Variants in ANKEF1 observed in about 807,000 individuals in gnomAD.
ANKEF1 encodes ankyrin repeat and EF-hand domain-containing protein 1.
ANKEF1 carries 43 observed loss-of-function variants against 65.1 expected under a neutral mutation model. The ratio of observed to expected loss-of-function variants is 0.66; its 90% CI spans 0.52 to 0.85. The LOEUF is 0.85. Ranked by LOEUF, ANKEF1 falls within the 40% of genes least tolerant of loss-of-function variation. The pLI is 0.00. For synonymous variants in ANKEF1, 316 were observed against 341.5 expected, an observed-to-expected ratio of 0.93 and a Z score of 0.82; for missense variants, 934 against 952.9, an observed-to-expected ratio of 0.98 and a Z score of 0.26.
rs1300067653 is a variant in ANKEF1, at chr20:10,052,322, C to CAT, written c.1870+434_1870+435insTA. 5.9e-5 allele frequency among the ~76,000 whole-genome samples: 5 copies of CAT among 84,854 alleles called. No individual in the cohort carries two copies. In the East Asian group the frequency reaches 8.7e-4, roughly 15 times the overall value. 55.7% of individuals were successfully genotyped at this position (84,854 alleles called of 152,430 possible). A position where few individuals can be genotyped will look rare whatever the true frequency, so the allele number is the denominator to read the frequency against. ...TGGACTTGCACCAGTTTGCAGATGA[C>CAT]ACTGAGTTATTACACTGTTATGACT... On this transcript the variant is annotated intron_variant, in intron 8 of 10. Transcript: ENST00000378392.
chr20:10,042,973 C>T, intron 3 of ANKEF1, 149 bp from the exon 4 acceptor site: 3 of 715,850 alleles, frequency 4.2e-6, no homozygotes, highest in Non-Finnish European at 6.8e-6. Context: ...TTTTTGTTTT[C>T]TGTCTTGGTG....
At position 10,043,243 on chromosome 20, in the gene ANKEF1, T is replaced by G. The variant is rs1355318884; in HGVS notation, c.468T>G (p.Ala156=). 2 of 1,614,086 alleles carry G rather than the reference T, an allele frequency of 1.2e-6. No individual in the cohort carries two copies. The highest frequency in any genetic ancestry group is 1.7e-6 in the Non-Finnish European group (2 of 1,180,032). The change falls in exon 4 of 11, where the codon GCT becomes GCG. Residue 156 remains alanine, a synonymous_variant. Transcript: ENST00000378392. ...AAGGAAAGCCAATATTCCTTAGAGC[T>G]TGTGAAGATGCACATGATGTTAAAG... ...TYEGKPIFLR[A]CEDAHDVKDV...
intron 2 of ANKEF1, among the ~76,000 whole-genome samples, chr20:10,036,134 TC>T (rs1474056662): frequency 6.6e-6 from 1 of 152,186 alleles, no homozygotes; most frequent in African/African-American, 2.4e-5. Flanking sequence ...GGTGCTGCCC[TC>T]TCCCCAGCAC....
In ANKEF1 at chr20:10,056,282, CG is replaced by C. The variant is rs1985143766; in HGVS notation, c.*623del. 2 of 150,848 alleles carry C rather than the reference CG, an allele frequency of 1.3e-5. No homozygotes were observed. The highest frequency in any genetic ancestry group is 3.0e-5 in the Non-Finnish European group (2 of 67,744). 9.3% of individuals were successfully genotyped at this position (150,848 alleles called of 1,614,324 possible). ...GAATACACTTTTAACAGCCCTAGAT[CG>C]ATAGCCCTAGCCCTAGATAGATAGC... On this transcript the variant is annotated 3_prime_UTR_variant, in exon 11 of 11. Coordinates refer to ENST00000378392, the MANE Select transcript of ANKEF1 (RefSeq NM_022096.6).
Position 10,051,872 on chromosome 20 carries a change from A to T in ANKEF1, c.1853A>T (p.Gln618Leu). The T allele has an allele frequency of 1.2e-6, 2 of 1,610,770 alleles. No individual in the cohort carries two copies. The highest frequency in any genetic ancestry group is 1.7e-6 in the Non-Finnish European group (2 of 1,178,784). The change falls in exon 8 of 11, where the codon CAG becomes CTG. Residue 618 changes from glutamine (Q) to leucine (L), a missense_variant. Transcript: ENST00000378392. ...KYLLDIGAKFQLENRKGHSAM... is the reference protein window; with the variant it reads ...KYLLDIGAKFLLENRKGHSAM... ...CTACTTGATATTGGTGCTAAATTCC[A>T]GCTGGAAAATAGAAAAGGTATGCGT...
chr20:10,054,617 A>G lies in ANKEF1; in HGVS notation c.2172+18A>G. On this transcript the variant is annotated intron_variant, in intron 10 of 10. Transcript: ENST00000378392. ...CACGGAGGGTAAGTGCTTCGAAAAG[A>G]TCTTCATAGCATGGTAGAAGCTCAT... is the stretch of plus-strand genomic sequence containing the variant. 6.2e-7 allele frequency: 1 copy of G among 1,602,450 alleles called. No homozygotes were observed. The highest frequency in any genetic ancestry group is 8.5e-7 in the Non-Finnish European group (1 of 1,175,944).
intron 9 of ANKEF1, among the ~76,000 whole-genome samples, 198 bp from the exon 10 acceptor site, chr20:10,054,264 A>G (rs775738256): frequency 1.3e-5 from 2 of 152,194 alleles, no homozygotes; most frequent in African/African-American, 4.8e-5. Context: ...CAATACTTCT[A>G]ATTAAAGTTA....
chr20:10,038,316 T>C lies in ANKEF1; in HGVS notation c.15T>C (p.Asp5=). 1 of 1,564,550 alleles carries C rather than the reference T, an allele frequency of 6.4e-7. No homozygotes were observed. The highest frequency in any genetic ancestry group is 8.7e-7 in the Non-Finnish European group (1 of 1,148,478). The change falls in exon 3 of 11, where the codon GAT becomes GAC. Residue 5 remains aspartate, a synonymous_variant. Transcript: ENST00000378392. MALA[D]KRLENLQIYK... The stretch of plus-strand genomic sequence containing the variant: ...GCTGGTCAAGCATGGCTTTAGCAGA[T>C]AAGAGACTTGAGAACTTACAGATCT...
intron 3 of ANKEF1, among the ~76,000 whole-genome samples, chr20:10,039,761 T>C (rs983290416): frequency 3.9e-5 from 6 of 152,158 alleles, no homozygotes; most frequent in African/African-American, 9.7e-5. Context: ...ACGGTCGCAT[T>C]CATTAGAGAC....
At chr20:10,052,582 T>C (rs1377610287) in intron 8 of ANKEF1, among the ~76,000 whole-genome samples, 2 of 152,202 alleles carry the variant, frequency 1.3e-5, no homozygotes, top group African/African-American at 4.8e-5. Flanking sequence ...AGGAGCATCA[T>C]ACCTCTGGTT....
rs6118866 is a variant in ANKEF1, at chr20:10,043,305, C to G, written c.530C>G (p.Pro177Arg). The change falls in exon 4 of 11, where the codon CCT (proline) becomes CGT (arginine). Residue 177 changes from proline to arginine, a missense_variant. By Grantham distance (103) the Pro-to-Arg change is moderately radical (BLOSUM62 -2). Coordinates refer to ENST00000378392, the MANE Select transcript of ANKEF1 (RefSeq NM_022096.6). ...CLTFLEKGAN[P>R]NAINSSTGRT... ...ACATTTTTGGAAAAAGGAGCCAATCCTAATGCAATCAACTCAGTATGGCTA... is the reference window on the plus strand; with the variant it reads ...ACATTTTTGGAAAAAGGAGCCAATCGTAATGCAATCAACTCAGTATGGCTA... 6.2e-7 allele frequency: 1 copy of G among 1,613,886 alleles called. No individual in the cohort carries two copies. The highest frequency in any genetic ancestry group is 8.5e-7 in the Non-Finnish European group (1 of 1,179,950).
At chr20:10,055,463 A>G in intron 10 of ANKEF1, 39 bp from the exon 11 acceptor site, 1 of 1,600,830 alleles carries the variant, frequency 6.2e-7, no homozygotes, top group East Asian at 2.2e-5. Flanking sequence ...TGGCTGTCAT[A>G]CTCATACCTG....
intron 8 of ANKEF1, among the ~76,000 whole-genome samples, chr20:10,052,683 G>C (rs939391376): frequency 2.0e-5 from 3 of 152,050 alleles, no homozygotes; most frequent in African/African-American, 7.2e-5. Context: ...TCTGCCTGGA[G>C]CACCTGTGGC....
intron 6 of ANKEF1, among the ~76,000 whole-genome samples, chr20:10,047,823 G>A (rs147863262): frequency 9.2e-4 from 140 of 152,268 alleles, no homozygotes; most frequent in Admixed American, 2.6e-3. Context: ...AAGTCAAAAC[G>A]ACAGGAAAAC....
In ANKEF1 at chr20:10,050,213, G is replaced by A; in HGVS notation, c.1643+1G>A. The A allele has an allele frequency of 6.3e-7, 1 of 1,598,130 alleles. No homozygotes were observed. The highest frequency in any genetic ancestry group is 1.1e-5 in the South Asian group (1 of 88,772). ...TGGTCAAGTTTCTTCTTGAAAAAGGGTACGCGTCTCCGTCGGGTGTGGCCT... is the reference window on the plus strand; with the variant it reads ...TGGTCAAGTTTCTTCTTGAAAAAGGATACGCGTCTCCGTCGGGTGTGGCCT... On this transcript the variant is annotated splice_donor_variant, in intron 7 of 10. Transcript: ENST00000378392. LOFTEE classifies it high-confidence loss of function.
intron 4 of ANKEF1, among the ~76,000 whole-genome samples, chr20:10,043,703 G>C (rs1215566740): frequency 1.5e-5 from 2 of 134,968 alleles, no homozygotes; most frequent in African/African-American, 5.4e-5. Context: ...CTGTTGCCCA[G>C]GTTGGAGTGC....
intron 2 of ANKEF1, among the ~76,000 whole-genome samples, chr20:10,036,298 C>G (rs1983852425): frequency 1.3e-5 from 2 of 151,784 alleles, no homozygotes; most frequent in Admixed American, 1.3e-4. Context: ...CTTATTTTCA[C>G]AAATCAAGTG....
chr20:10,052,210 A>G (rs1984902486), intron 8 of ANKEF1, among the ~76,000 whole-genome samples: 1 of 152,186 alleles, frequency 6.6e-6, no homozygotes, highest in Non-Finnish European at 1.5e-5. Flanking sequence ...AATTTTAATG[A>G]CAGAAAATTA....
intron 3 of ANKEF1, among the ~76,000 whole-genome samples, chr20:10,041,951 T>C (rs1189843114): frequency 5.3e-5 from 8 of 152,196 alleles, no homozygotes; most frequent in Non-Finnish European, 1.2e-4. Context: ...CTGTTTTTTT[T>C]CCCCAAGTTA....
Sources: gnomAD v4.1 joint callset for allele counts (sites outside exome capture counted in the v4.1 genomes callset) on GRCh38, gnomAD v4.1.1 for gene constraint, MANE v1.5 for transcripts, NCBI Gene and HGNC (gene_info 2026-07-23, HGNC 2026-07-21) for gene names.